Variants in SETD1B observed in about 807,000 individuals in gnomAD.
SETD1B encodes the protein histone-lysine N-methyltransferase SETD1B.
A neutral mutation model predicts 148.0 loss-of-function variants in SETD1B; 7 were observed. The ratio of observed to expected loss-of-function variants is 0.05; its 90% CI spans 0.03 to 0.09. The LOEUF (loss-of-function observed/expected upper bound fraction) is 0.09. Among genes scored for constraint, SETD1B ranks in the 10% least tolerant of loss-of-function variants. The probability of loss-of-function intolerance (pLI) is 1.00; values close to 1 mark genes in which losing one functional copy is unlikely to be tolerated. For missense variants in SETD1B, 2,155 were observed against 2,729.9 expected (o/e 0.79, Z 4.69); for synonymous variants, 1,361 against 1,186.5 (o/e 1.15, Z -3.02).
intron 7 of SETD1B, among the ~76,000 whole-genome samples, chr12:121,816,689 G>T (rs1566552912): frequency 6.6e-6 from 1 of 152,224 alleles, no homozygotes; most frequent in Non-Finnish European, 1.5e-5. Context: ...GAAGAGAAGA[G>T]AAAATGGGAT....
intron 12 of SETD1B, 137 bp downstream of exon 12, chr12:121,823,886 A>G: frequency 7.8e-7 from 1 of 1,277,804 alleles, no homozygotes; most frequent in South Asian, 1.6e-5. Flanking sequence ...GTCACTTCCC[A>G]AGCAGGGTTT....
At chr12:121,812,903 T>A (rs1876107841) in intron 6 of SETD1B, among the ~76,000 whole-genome samples, 1 of 152,082 alleles carries the variant, frequency 6.6e-6, no homozygotes, top group Admixed American at 6.6e-5. Flanking sequence ...TCACCTGTAG[T>A]CTGACCTCTG....
Position 121,806,121 on chromosome 12 carries a change from G to A in SETD1B, c.544+16G>A, listed in dbSNP as rs780831085. On this transcript the variant is annotated intron_variant, in intron 4 of 16. Coordinates refer to ENST00000604567, the MANE Select transcript of SETD1B (RefSeq NM_001353345.2). ...GACACCAAAGGTGAGCCTGGCAGGG[G>A]AGGAGCGTGGGGAGACCTGTCAGCC... 6.5e-7 allele frequency: 1 copy of A among 1,549,128 alleles called. No individual in the cohort carries two copies. Among genetic ancestry groups the A allele is most frequent in the South Asian group, 1.2e-5 (1 of 83,952 alleles).
intron 6 of SETD1B, among the ~76,000 whole-genome samples, chr12:121,811,318 C>G (rs1009391567): frequency 6.6e-6 from 1 of 151,812 alleles, no homozygotes; most frequent in Non-Finnish European, 1.5e-5. Flanking sequence ...AGCCCCGGAG[C>G]ATTGTCTCCT....
the SETD1B span, among the ~76,000 whole-genome samples, chr12:121,791,245 C>T: frequency 6.6e-6 from 1 of 152,318 alleles, no homozygotes; most frequent in East Asian, 1.9e-4. Context: ...CCTGCCTCAG[C>T]CTCCCGAGTA....
chr12:121,819,547 G>A lies in SETD1B; in HGVS notation c.3562G>A (p.Glu1188Lys). The A allele has an allele frequency of 3.2e-6, 5 of 1,551,574 alleles. No individual in the cohort carries two copies. Among genetic ancestry groups the A allele is most frequent in the Non-Finnish European group, 4.4e-6 (5 of 1,146,338 alleles). Residue 1188 changes from glutamate to lysine, a missense_variant, in exon 11 of 17, where the codon GAA becomes AAA. Physicochemically the swap from Glu to Lys is moderately conservative, Grantham distance 56. Around this residue, in one of 11 missense-constraint regions of SETD1B, gnomAD observed 862 missense variants for 873.8 expected, o/e 0.99. Coordinates refer to ENST00000604567, the MANE Select transcript of SETD1B (RefSeq NM_001353345.2). ...GGAGGTAGTGGCCAGGGAAGAGGAG[G>A]AAGAAGAGGAGGAGGAGGAGATGGT... is the stretch of plus-strand genomic sequence containing the variant. Reference protein sequence around the residue: ...EEEVVAREEEEEEEEEEMVAE... With the variant: ...EEEVVAREEEKEEEEEEMVAE...
rs553298921 is a variant in SETD1B at position 121,805,642 on chromosome 12, C to T, written c.274-193C>T. 2.1e-4 allele frequency among the ~76,000 whole-genome samples: 32 copies of T among 151,898 alleles called. No individual in the cohort carries two copies. Among genetic ancestry groups the T allele is most frequent in the Non-Finnish European group, 3.7e-4 (25 of 67,928 alleles). On this transcript the variant is annotated intron_variant, in intron 3 of 16. Transcript: ENST00000604567. The surrounding 1 kb of genome is among the most constrained non-coding windows in gnomAD (Gnocchi z 4.2). ...CTTCCACGTTCCAAACGATTTAATC[C>T]TCCGCTTCCCGGGCCCGCCCGCGTG...
the SETD1B span, among the ~76,000 whole-genome samples, chr12:121,791,981 C>A: frequency 3.9e-5 from 6 of 152,276 alleles, no homozygotes; most frequent in African/African-American, 1.2e-4. Flanking sequence ...GATGCCTCAG[C>A]TCTCCCAGCT....
intron 4 of SETD1B, among the ~76,000 whole-genome samples, chr12:121,806,737 C>T (rs1231059705): frequency 2.0e-5 from 3 of 152,224 alleles, no homozygotes; most frequent in Non-Finnish European, 4.4e-5. Flanking sequence ...GTCTTCCCTC[C>T]TCTCTCTTAA....
At chr12:121,792,628 C>G in the SETD1B span, among the ~76,000 whole-genome samples, 1 of 152,236 alleles carries the variant, frequency 6.6e-6, no homozygotes, top group South Asian at 2.1e-4. Context: ...ATCCTGGGAG[C>G]TGCAGACACA....
At chr12:121,815,823 CTTTTTT>C (rs994063316) in intron 7 of SETD1B, among the ~76,000 whole-genome samples, 1 of 118,156 alleles carries the variant, frequency 8.5e-6, no homozygotes, top group Admixed American at 8.6e-5. Context: ...TCTTTTCTTT[CTTTTTT>C]TTTTTTTTTT....
rs1877131561 is a variant in SETD1B at position 121,832,294 on chromosome 12, C to T, written c.*2055C>T. On this transcript the variant is annotated 3_prime_UTR_variant, in exon 17 of 17. Coordinates refer to ENST00000604567, the MANE Select transcript of SETD1B (RefSeq NM_001353345.2). ...CTGGCCTTCACTAAGGGGACTAGACCTCCCTCTCCCCAGGAGCCCCAGCCC... is the reference window on the plus strand; with the variant it reads ...CTGGCCTTCACTAAGGGGACTAGACTTCCCTCTCCCCAGGAGCCCCAGCCC... 1.3e-5 allele frequency: 2 copies of T among 153,082 alleles called. No individual in the cohort carries two copies. The highest frequency in any genetic ancestry group is 2.0e-4 in the South Asian group (1 of 4,978). The allele number at this position is 153,082 out of a possible 1,614,324, so 9.5% of individuals were successfully genotyped here.
chr12:121,827,757 T>G lies in SETD1B; in HGVS notation c.5492T>G (p.Phe1831Cys). 6.4e-7 allele frequency: 1 copy of G among 1,552,130 alleles called. No individual in the cohort carries two copies. Among genetic ancestry groups the G allele is most frequent in the Non-Finnish European group, 8.7e-7 (1 of 1,147,154 alleles). ...QLKFRKKKLKFCKSHIHDWGL... is the reference protein window; with the variant it reads ...QLKFRKKKLKCCKSHIHDWGL... ...CAGTTCCGGAAGAAAAAGCTCAAGT[T>G]CTGCAAGAGCCACATTCACGACTGG... Residue 1831 changes from phenylalanine to cysteine, a missense_variant, in exon 15 of 17, where the codon TTC becomes TGC. Phe to Cys is a radical substitution (Grantham distance 205, BLOSUM62 -2). Around this residue, in one of 11 missense-constraint regions of SETD1B, gnomAD observed 51 missense variants for 162.8 expected, o/e 0.31. Coordinates refer to ENST00000604567, the MANE Select transcript of SETD1B (RefSeq NM_001353345.2).
At position 121,827,558 on chromosome 12, in the gene SETD1B, G is replaced by T; in HGVS notation, c.5377G>T (p.Ala1793Ser). ...IPAQPHASTR[A>S]GSERRSEQRR... ...AGCACAGCCCCACGCCTCCACCCGG[G>T]CAGGCTCGGAGCGGCGTTCGGAGCA... Residue 1793 changes from alanine (A) to serine (S), a missense_variant, in exon 14 of 17, where the codon GCA (alanine) becomes TCA (serine). Ala to Ser is a moderately conservative substitution (Grantham distance 99, BLOSUM62 1). Coordinates refer to ENST00000604567, the MANE Select transcript of SETD1B (RefSeq NM_001353345.2). 1.3e-6 allele frequency: 2 copies of T among 1,548,550 alleles called. No homozygotes were observed. The highest frequency in any genetic ancestry group is 8.7e-7 in the Non-Finnish European group (1 of 1,146,674).
chr12:121,819,627 G>A lies in SETD1B; in HGVS notation c.3642G>A (p.Glu1214=). The A allele has an allele frequency of 6.4e-7, 1 of 1,551,846 alleles. No individual in the cohort carries two copies. Among genetic ancestry groups the A allele is most frequent in the Non-Finnish European group, 8.7e-7 (1 of 1,147,050 alleles). The change falls in exon 11 of 17, where the codon GAG becomes GAA. Residue 1214 remains glutamate (E), a synonymous_variant. Transcript: ENST00000604567. ...AGPEDFEQDG[E]EAALAPGAPA... is the part of the protein sequence containing the mutation. ...CTGAGGACTTTGAGCAGGACGGGGA[G>A]GAAGCGGCTCTGGCCCCGGGGGCAC...
In SETD1B at chr12:121,810,710, G is replaced by T; in HGVS notation, c.1765G>T (p.Gly589Cys). ...DSDEDEELDLGLGPRPPPEPG... is the reference protein window; with the variant it reads ...DSDEDEELDLCLGPRPPPEPG... ...CGACGAGGACGAGGAGCTCGACCTG[G>T]GCCTTGGGCCTCGGCCTCCACCTGA... The change falls in exon 6 of 17, where the codon GGC (glycine) becomes TGC (cysteine). Residue 589 changes from glycine (G) to cysteine (C), a missense_variant. This residue lies in a region of SETD1B where 295 missense variants were observed against 303.8 expected (regional missense o/e 0.97). Coordinates refer to ENST00000604567, the MANE Select transcript of SETD1B (RefSeq NM_001353345.2). This position sits in a 1 kb window ranked among gnomAD's most constrained non-coding sequence, Gnocchi z 7.6. The T allele has an allele frequency of 1.3e-6, 2 of 1,551,062 alleles. No homozygotes were observed. Among genetic ancestry groups the T allele is most frequent in the Non-Finnish European group, 8.7e-7 (1 of 1,146,800 alleles).
chr12:121,812,802 TG>T (rs1876102001), intron 6 of SETD1B, among the ~76,000 whole-genome samples: 1 of 152,084 alleles, frequency 6.6e-6, no homozygotes. Context: ...AGAGGGGACC[TG>T]GTAAAGTCCA....
intron 6 of SETD1B, among the ~76,000 whole-genome samples, chr12:121,812,784 G>A (rs1876101155): frequency 6.6e-6 from 1 of 152,100 alleles, no homozygotes; most frequent in Admixed American, 6.5e-5. Flanking sequence ...GTGTGTGTAT[G>A]TGTGCACAGA....
rs1210063669 is a variant in SETD1B, at chr12:121,817,781, C to T, written c.3313-18C>T. ...AGACCCTTCGGCTCACCTGTCCCCACTCTTCCTTCTCCCCCAGGATGACGA... is the reference window on the plus strand; with the variant it reads ...AGACCCTTCGGCTCACCTGTCCCCATTCTTCCTTCTCCCCCAGGATGACGA... On this transcript the variant is annotated intron_variant, in intron 9 of 16. Transcript: ENST00000604567. This position sits in a 1 kb window ranked among gnomAD's most constrained non-coding sequence, Gnocchi z 8.1. 1 of 1,545,642 alleles carries T rather than the reference C, an allele frequency of 6.5e-7. No individual in the cohort carries two copies. The highest frequency in any genetic ancestry group is 1.4e-5 in the African/African-American group (1 of 72,924).
Sources: allele counts gnomAD v4.1 joint callset (sites outside exome capture counted in the v4.1 genomes callset), GRCh38; gene constraint gnomAD v4.1.1; regional missense constraint gnomAD v4.1.1; non-coding constraint Gnocchi (gnomAD v3.1); transcripts MANE v1.5; gene names NCBI Gene and HGNC (gene_info 2026-07-23, HGNC 2026-07-21).